The following ANKFY1 variants were observed in gnomAD, a reference collection of about 807,000 sequenced individuals.
The protein encoded by ANKFY1 is ankyrin repeat and FYVE domain containing 1.
A neutral mutation model predicts 128.3 loss-of-function variants in ANKFY1; 47 were observed. The observed-to-expected ratio is 0.37, with a 90% CI of 0.29 to 0.47. ANKFY1 has a LOEUF of 0.47. Among genes scored for constraint, ANKFY1 ranks in the 20% least tolerant of loss-of-function variants. The pLI is 1.00. For synonymous variants in ANKFY1, 553 were observed against 601.6 expected (o/e 0.92, Z 1.18); for missense variants, 1,222 against 1,510.6 (o/e 0.81, Z 3.17).
In ANKFY1 at chr17:4,235,856, T is replaced by C. The variant is rs771963362; in HGVS notation, c.238A>G (p.Ser80Gly). ...LKIKVGDRHI[S>G]AHKFVLAARS... ...GCTGCCAGGACAAACTTGTGAGCAC[T>C]GATGTGCCTGTCCCCAACCTTTATC... Residue 80 changes from serine (S) to glycine (G), a missense_variant, in exon 3 of 25, where the codon AGT (serine) becomes GGT (glycine). Physicochemically the swap from Ser to Gly is moderately conservative, Grantham distance 56. Coordinates refer to ENST00000341657, the MANE Select transcript of ANKFY1 (RefSeq NM_001330063.2). The C allele has an allele frequency of 3.1e-6, 5 of 1,614,054 alleles. No individual in the cohort carries two copies. In the East Asian group the frequency reaches 1.1e-4, roughly 36 times the overall value.
chr17:4,183,716 C>A, intron 13 of ANKFY1, 96 bp downstream of exon 13: 1 of 1,424,868 alleles, frequency 7.0e-7, no homozygotes. Flanking sequence ...ATGATTAGCC[C>A]AGTCTCCTCT....
At chr17:4,179,507 G>GA in intron 17 of ANKFY1, 1 of 622,374 alleles carries the variant, frequency 1.6e-6, no homozygotes, top group East Asian at 2.8e-5. Flanking sequence ...GAGGCAAAGA[G>GA]AAAGAGCTGA....
chr17:4,186,847 C>A, intron 11 of ANKFY1: 1 of 1,006,884 alleles, frequency 9.9e-7, no homozygotes, highest in Admixed American at 5.9e-5. Context: ...AGGTCTCCAG[C>A]CCCATTCTTG....
At chr17:4,197,300 T>C (rs2059843593) in intron 8 of ANKFY1, 73 bp downstream of exon 8, 5 of 1,503,820 alleles carry the variant, frequency 3.3e-6, no homozygotes, top group African/African-American at 1.4e-5. Flanking sequence ...ACTCCCCGTA[T>C]GCCAATTACA....
chr17:4,180,642 C>A (rs1290893314), intron 16 of ANKFY1, among the ~76,000 whole-genome samples: 4 of 148,138 alleles, frequency 2.7e-5, no homozygotes, highest in Non-Finnish European at 4.5e-5. Flanking sequence ...AGGCGGGCGC[C>A]TGTAGTCCCA....
intron 10 of ANKFY1, chr17:4,194,571 T>C (rs2059783302): frequency 5.6e-6 from 1 of 177,692 alleles, no homozygotes; most frequent in African/African-American, 2.5e-5. Flanking sequence ...CTCCTTAAAA[T>C]ATCCCTGTTA....
At chr17:4,219,855 C>G (rs1351183801) in intron 3 of ANKFY1, among the ~76,000 whole-genome samples, 2 of 151,976 alleles carry the variant, frequency 1.3e-5, no homozygotes, top group African/African-American at 4.8e-5. Context: ...GAGTTTTGCT[C>G]TTGTCACCCA....
intron 7 of ANKFY1, among the ~76,000 whole-genome samples, chr17:4,200,849 C>A (rs1462492354): frequency 1.3e-5 from 2 of 152,158 alleles, no homozygotes; most frequent in African/African-American, 2.4e-5. Context: ...CCTTTCATAT[C>A]TTACGATATC....
intron 3 of ANKFY1, among the ~76,000 whole-genome samples, chr17:4,218,961 C>T (rs966913057): frequency 3.3e-5 from 5 of 151,992 alleles, no homozygotes; most frequent in Non-Finnish European, 5.9e-5. Context: ...ATATATAATA[C>T]CTACACACAC....
At chr17:4,263,865 C>T (rs767606981) in intron 1 of ANKFY1, 67 bp downstream of exon 1, 629 of 1,612,924 alleles carry the variant, frequency 3.9e-4, no homozygotes, top group Non-Finnish European at 4.8e-4. Flanking sequence ...CCCACGGCAG[C>T]TTCGCACGGC....
Position 4,179,820 on chromosome 17 carries a change from C to G in ANKFY1, c.2298G>C (p.Glu766Asp), listed in dbSNP as rs1402581924. ...QPGANGEGEE[E>D]ARDGQTPLHL... ...GCAAAGGGGTCTGCCCATCTCTAGC[C>G]TCTTCCTCTCCTTCTCCATTGGCGC... The change falls in exon 17 of 25, where the codon GAG (glutamate) becomes GAC (aspartate). Residue 766 changes from glutamate (E) to aspartate (D), a missense_variant. Glu to Asp is a conservative substitution (Grantham distance 45, BLOSUM62 2). Coordinates refer to ENST00000341657, the MANE Select transcript of ANKFY1 (RefSeq NM_001330063.2). 6.2e-7 allele frequency: 1 copy of G among 1,614,258 alleles called. No homozygotes were observed. Among genetic ancestry groups the G allele is most frequent in the Non-Finnish European group, 8.5e-7 (1 of 1,180,052 alleles).
At chr17:4,263,596 T>C in intron 1 of ANKFY1, 1 of 1,534,666 alleles carries the variant, frequency 6.5e-7, no homozygotes, top group Non-Finnish European at 8.7e-7. Flanking sequence ...AAGGCTTACT[T>C]CCCCCGGCGT....
chr17:4,165,619 GA>G lies in ANKFY1; in HGVS notation c.*2159del, dbSNP rs2059198588. The G allele has an allele frequency of 6.6e-6, 1 of 152,214 alleles. No homozygotes were observed. Among genetic ancestry groups the G allele is most frequent in the African/African-American group, 2.4e-5 (1 of 41,450 alleles). 9.4% of individuals were successfully genotyped at this position (152,214 alleles called of 1,614,324 possible). On this transcript the variant is annotated 3_prime_UTR_variant, in exon 25 of 25. Transcript: ENST00000341657. ...ACATGGATGCGCCCTGAAGCCAATGGAAAACAGGACTCAATGTTCTCCCAGT... is the reference window on the plus strand; with the variant it reads ...ACATGGATGCGCCCTGAAGCCAATGGAAACAGGACTCAATGTTCTCCCAGT...
intron 8 of ANKFY1, 33 bp downstream of exon 8, chr17:4,197,340 T>C (rs756068636): frequency 9.3e-6 from 15 of 1,609,052 alleles, no homozygotes; most frequent in Non-Finnish European, 1.3e-5. Context: ...CTGAGAACAG[T>C]GCTAAGGGCA....
At chr17:4,211,624 C>A (rs1163206620) in intron 4 of ANKFY1, among the ~76,000 whole-genome samples, 1 of 151,678 alleles carries the variant, frequency 6.6e-6, no homozygotes, top group South Asian at 2.1e-4. Context: ...TCCCAGCACT[C>A]TGGGAGGCCA....
chr17:4,255,510 A>G (rs946264615), intron 1 of ANKFY1, among the ~76,000 whole-genome samples: 5 of 152,086 alleles, frequency 3.3e-5, no homozygotes, highest in African/African-American at 1.2e-4. Context: ...TCGGCCTCCC[A>G]AAGTGCTGGG....
intron 3 of ANKFY1, among the ~76,000 whole-genome samples, chr17:4,220,380 C>A (rs535542465): frequency 4.6e-4 from 70 of 152,232 alleles, no homozygotes; most frequent in African/African-American, 1.7e-3. Context: ...CAAAACACAT[C>A]CTACTAGACT....
At position 4,186,951 on chromosome 17, in the gene ANKFY1, T is replaced by TC. The variant is rs2143006337; in HGVS notation, c.1471-1906dup. On this transcript the variant is annotated intron_variant, in intron 11 of 24. Transcript: ENST00000341657. Reference sequence around the variant, plus strand: ...GAATTTATTCCCACACACAGGCTCCTCCTCCTGGCCAGTTTCCTCTGTTTT... The same window carrying TC: ...GAATTTATTCCCACACACAGGCTCCTCCCTCCTGGCCAGTTTCCTCTGTTTT... The TC allele has an allele frequency of 2.5e-6, 3 of 1,183,416 alleles. No homozygotes were observed. The South Asian group carries it at 1.3e-4, about 51-fold the overall frequency. The allele number at this position is 1,183,416 out of a possible 1,614,324, so 73.3% of individuals were successfully genotyped here. A position where few individuals can be genotyped will look rare whatever the true frequency, so the allele number is the denominator to read the frequency against.
chr17:4,205,509 A>C (rs2053257), intron 7 of ANKFY1, among the ~76,000 whole-genome samples: 144 of 152,174 alleles, frequency 9.5e-4, no homozygotes, highest in Admixed American at 2.6e-3. Context: ...TTGGGAGGCC[A>C]AGGTGGGTGG....
Sources: allele counts gnomAD v4.1 joint callset (sites outside exome capture counted in the v4.1 genomes callset), GRCh38; gene constraint gnomAD v4.1.1; transcripts MANE v1.5; gene names NCBI Gene and HGNC (gene_info 2026-07-23, HGNC 2026-07-21).